Variants in NPAT observed in about 807,000 individuals in gnomAD.
The protein encoded by NPAT is protein NPAT.
Under a neutral mutation model 130.7 loss-of-function variants are expected in NPAT, and 52 were observed. The observed-to-expected ratio is 0.40, with a 90% CI of 0.32 to 0.50. The LOEUF (loss-of-function observed/expected upper bound fraction) is 0.50, where lower values mean the gene tolerates loss of function less well. NPAT is among the 20% of genes least tolerant of loss of function. The pLI, the probability that NPAT is intolerant of heterozygous loss-of-function variation, is 0.68. For synonymous variants in NPAT, 580 were observed against 584.8 expected, an observed-to-expected ratio of 0.99 and a Z score of 0.12; for missense variants, 1,687 against 1,662.6, an observed-to-expected ratio of 1.01 and a Z score of -0.26.
intron 13 of NPAT, 194 bp from the exon 14 acceptor site, chr11:108,170,237 A>C: frequency 1.8e-6 from 1 of 560,664 alleles, no homozygotes; most frequent in Non-Finnish European, 3.2e-6. Flanking sequence ...TAGGAAAAAC[A>C]GCAAGGCTAA....
rs371780508 is a variant in NPAT at position 108,185,262 on chromosome 11, C to T, written c.876G>A (p.Glu292=). ...GTCCTAGGAATTCATCAATTGAAGT[C>T]TCTGGCTCCGTAGGGTTGTTATCTG... ...KQTDNNPTEP[E]TSIDEFLGLP... Residue 292 remains glutamate (E), a synonymous_variant, in exon 10 of 18, where the codon GAG becomes GAA. Transcript: ENST00000278612. The T allele has an allele frequency of 6.2e-7, 1 of 1,612,350 alleles. No individual in the cohort carries two copies. The highest frequency in any genetic ancestry group is 8.5e-7 in the Non-Finnish European group (1 of 1,179,128).
At chr11:108,184,408 C>G (rs903977797) in intron 10 of NPAT, among the ~76,000 whole-genome samples, 2 of 150,652 alleles carry the variant, frequency 1.3e-5, no homozygotes, top group African/African-American at 4.9e-5. Context: ...GGAGGCAGAG[C>G]TTGCAGTGAC....
intron 17 of NPAT, 93 bp from the exon 18 acceptor site, chr11:108,159,112 A>T: frequency 1.3e-6 from 1 of 753,518 alleles, no homozygotes; most frequent in East Asian, 2.7e-5. Flanking sequence ...GTTCTTTCAC[A>T]TACTACTAAA....
intron 10 of NPAT, among the ~76,000 whole-genome samples, chr11:108,180,673 C>T (rs1036481703): frequency 1.5e-4 from 23 of 152,158 alleles, no homozygotes; most frequent in Admixed American, 4.6e-4. Context: ...AATAGAATTA[C>T]CAGGTCCAGC....
Position 108,161,317 on chromosome 11 carries a change from T to G in NPAT, c.3769A>C (p.Ser1257Arg). ...AAATCACTACTATCAGCAAGCCTAC[T>G]TACTGAGCTGTGCCTCTGTATATCC... is the stretch of plus-strand genomic sequence containing the variant. ...LQDIQRHSSVSRLADSSDLPV... is the reference protein window; with the variant it reads ...LQDIQRHSSVRRLADSSDLPV... Residue 1257 changes from serine to arginine, a missense_variant, in exon 17 of 18, where the codon AGT (serine) becomes CGT (arginine). By Grantham distance (110) the Ser-to-Arg change is moderately radical. Transcript: ENST00000278612. The G allele has an allele frequency of 1.2e-6, 2 of 1,614,236 alleles. No homozygotes were observed. Among genetic ancestry groups the G allele is most frequent in the Non-Finnish European group, 1.7e-6 (2 of 1,180,044 alleles).
chr11:108,159,440 G>A (rs1189263900), intron 17 of NPAT, among the ~76,000 whole-genome samples: 2 of 152,058 alleles, frequency 1.3e-5, no homozygotes, highest in Non-Finnish European at 2.9e-5. Flanking sequence ...TAAGATACCT[G>A]GTAATATCAT....
Position 108,222,637 on chromosome 11 carries a change from C to T in NPAT, c.-101G>A. The T allele has an allele frequency of 3.0e-6, 4 of 1,323,514 alleles. No individual in the cohort carries two copies. In the South Asian group the frequency reaches 4.9e-5, roughly 16 times the overall value. The allele number at this position is 1,323,514 out of a possible 1,614,324, so 82.0% of individuals were successfully genotyped here. On this transcript the variant is annotated 5_prime_UTR_variant, in exon 1 of 18. The change creates a new upstream start codon in the 5' untranslated region. Transcript: ENST00000278612. ...GCATCTCCTGGTTCCAGTGGCGGCA[C>T]TGAACTCGCGGCAATTTGTCCCGCC...
chr11:108,178,368 T>C (rs1434556896), intron 10 of NPAT, among the ~76,000 whole-genome samples: 2 of 152,174 alleles, frequency 1.3e-5, no homozygotes, highest in African/African-American at 4.8e-5. Flanking sequence ...GTATGAGAAA[T>C]AGGGAGTAGA....
Position 108,160,889 on chromosome 11 carries a change from CT to C in NPAT, c.4196del (p.Lys1399ArgfsTer18). 6.2e-7 allele frequency: 1 copy of C among 1,613,086 alleles called. No homozygotes were observed. The highest frequency in any genetic ancestry group is 8.5e-7 in the Non-Finnish European group (1 of 1,179,628). On this transcript the variant is annotated frameshift_variant, in exon 17 of 18. Transcript: ENST00000278612. LOFTEE classifies it high-confidence loss of function. ...LTNSSIPMKK[K>X]KIKKKKLPSS... ...AAACTTTCAAACTTGCCTTAATTTT[CT>C]TCTTTTTCATTGGTATTGATGAATT...
intron 2 of NPAT, among the ~76,000 whole-genome samples, chr11:108,194,278 G>T (rs1490346900): frequency 1.3e-5 from 2 of 152,094 alleles, no homozygotes; most frequent in Non-Finnish European, 2.9e-5. Flanking sequence ...TCAGCAGACA[G>T]CTATACATAC....
intron 13 of NPAT, chr11:108,171,504 G>A (rs1308157420): frequency 6.9e-6 from 1 of 145,422 alleles, no homozygotes; most frequent in South Asian, 2.2e-4. Flanking sequence ...TTTTTTTTGA[G>A]ACAGAGTCTC....
Position 108,160,874 on chromosome 11 carries a change from A to G in NPAT, c.4206+6T>C. 6.2e-7 allele frequency: 1 copy of G among 1,609,752 alleles called. No individual in the cohort carries two copies. The highest frequency in any genetic ancestry group is 1.3e-5 in the African/African-American group (1 of 74,946). On this transcript the variant is annotated splice_donor_region_variant and intron_variant, in intron 17 of 17. Coordinates refer to ENST00000278612, the MANE Select transcript of NPAT (RefSeq NM_002519.3). ...GTGGTTTTGAAATTAAAACTTTCAA[A>G]CTTGCCTTAATTTTCTTCTTTTTCA...
chr11:108,165,095 T>G (rs2077888776), intron 15 of NPAT, among the ~76,000 whole-genome samples: 1 of 152,034 alleles, frequency 6.6e-6, no homozygotes, highest in African/African-American at 2.4e-5. Context: ...CATGGGCATT[T>G]TGTCATTCAC....
At chr11:108,218,202 CCTT>C (rs1271701025) in intron 1 of NPAT, among the ~76,000 whole-genome samples, 6 of 152,208 alleles carry the variant, frequency 3.9e-5, no homozygotes, top group African/African-American at 1.4e-4. Context: ...GCCTGAGTTT[CCTT>C]CTTAACATAA....
At position 108,172,982 on chromosome 11, in the gene NPAT, C is replaced by T. The variant is rs764367529; in HGVS notation, c.2002G>A (p.Glu668Lys). 16 of 1,614,090 alleles carry T rather than the reference C, an allele frequency of 9.9e-6. No individual in the cohort carries two copies. In the South Asian group the frequency reaches 1.8e-4, roughly 18 times the overall value. Residue 668 changes from glutamate to lysine, a missense_variant, in exon 13 of 18, where the codon GAA becomes AAA. Coordinates refer to ENST00000278612, the MANE Select transcript of NPAT (RefSeq NM_002519.3). ...NSQEPSSSVK[E>K]ENTIFLSLGG... ...AAAGAGAGAAAAATAGTATTCTCTT[C>T]TTTTACAGAAGATGAAGGCTCCTGT...
chr11:108,161,920 C>G lies in NPAT; in HGVS notation c.3166G>C (p.Ala1056Pro). 1.2e-6 allele frequency: 2 copies of G among 1,610,638 alleles called. No homozygotes were observed. Among genetic ancestry groups the G allele is most frequent in the African/African-American group, 1.3e-5 (1 of 74,878 alleles). Residue 1056 changes from alanine (A) to proline (P), a missense_variant, in exon 17 of 18, where the codon GCT (alanine) becomes CCT (proline). Coordinates refer to ENST00000278612, the MANE Select transcript of NPAT (RefSeq NM_002519.3). Reference protein sequence around the residue: ...PFPEESIVPAAKPCHRRVLCF... With the variant: ...PFPEESIVPAPKPCHRRVLCF... ...AGTACACGTCTGTGGCATGGTTTAG[C>G]AGCTGGAACTATACTCTCTTCTGGG...
chr11:108,167,017 A>T (rs1003277106), intron 15 of NPAT, among the ~76,000 whole-genome samples: 1 of 152,154 alleles, frequency 6.6e-6, no homozygotes, highest in Non-Finnish European at 1.5e-5. Context: ...GTCATTATAA[A>T]CAGTATCTTA....
intron 1 of NPAT, among the ~76,000 whole-genome samples, chr11:108,198,680 G>GC (rs2078246999): frequency 6.6e-6 from 1 of 152,080 alleles, no homozygotes; most frequent in South Asian, 2.1e-4. Flanking sequence ...GGACCAATCA[G>GC]CCTGCACTCT....
At chr11:108,219,319 T>C (rs1212409640) in intron 1 of NPAT, among the ~76,000 whole-genome samples, 1 of 152,206 alleles carries the variant, frequency 6.6e-6, no homozygotes, top group Non-Finnish European at 1.5e-5. Flanking sequence ...TCTTGATTGC[T>C]TCCTCTCTCC....
Sources: gnomAD v4.1 joint callset for allele counts (sites outside exome capture counted in the v4.1 genomes callset) on GRCh38, gnomAD v4.1.1 for gene constraint, MANE v1.5 for transcripts, NCBI Gene and HGNC (gene_info 2026-07-23, HGNC 2026-07-21) for gene names.